The following DMD variants were observed in gnomAD, a reference collection of about 807,000 sequenced individuals.
The protein encoded by DMD is dystrophin, also known as mutant dystrophin.
In DMD, 63 loss-of-function variants were observed where a neutral mutation model predicts 330.1. That is an observed-to-expected ratio of 0.19 (90% CI 0.16 to 0.24). The LOEUF is 0.24. DMD is among the 10% of genes least tolerant of loss of function. The probability of loss-of-function intolerance (pLI) is 1.00; values close to 1 mark genes in which losing one functional copy is unlikely to be tolerated. For synonymous variants in DMD, 1,223 were observed against 959.8 expected (o/e 1.27, Z -5.07); for missense variants, 3,344 against 2,684.1 (o/e 1.25, Z -5.43).
chrX:32,553,920 C>T (rs886739401), intron 16 of DMD, among the ~76,000 whole-genome samples: 3 of 111,655 alleles, frequency 2.7e-5, no homozygotes, highest in African/African-American at 9.8e-5. Context: ...CGTGGCCAGT[C>T]TGCTTCTTTA....
At chrX:31,974,272 G>A (rs1378627600) in intron 44 of DMD, among the ~76,000 whole-genome samples, 1 of 110,624 alleles carries the variant, frequency 9.0e-6, no homozygotes, top group Non-Finnish European at 1.9e-5. Flanking sequence ...GATGTGGGAA[G>A]GAGGGAGGGT....
intron 44 of DMD, among the ~76,000 whole-genome samples, chrX:32,190,550 TTA>T (rs753482446): frequency 0.25 from 15,591 of 62,222 alleles, 1,775 homozygotes; most frequent in East Asian, 0.5. Context: ...ATTTAAAATT[TTA>T]TATATATATA....
At chrX:32,426,668 T>C (rs986326184) in intron 29 of DMD, among the ~76,000 whole-genome samples, 1 of 111,440 alleles carries the variant, frequency 9.0e-6, no homozygotes, top group Admixed American at 9.6e-5. Context: ...CATATGTTCA[T>C]TGCAACACTA....
At chrX:33,088,244 C>T (rs1243572599) in intron 1 of DMD, among the ~76,000 whole-genome samples, 4 of 110,745 alleles carry the variant, frequency 3.6e-5, no homozygotes, top group Non-Finnish European at 7.5e-5. Flanking sequence ...GGGGTCTCAC[C>T]ATGTTGATCA....
intron 7 of DMD, among the ~76,000 whole-genome samples, chrX:32,793,899 C>T (rs957721545): frequency 1.8e-5 from 2 of 111,232 alleles, no homozygotes; most frequent in African/African-American, 6.5e-5. Flanking sequence ...TTCTATGAAG[C>T]CAGCATTACC....
intron 54 of DMD, among the ~76,000 whole-genome samples, chrX:31,631,055 A>G (rs2079110124): frequency 9.0e-6 from 1 of 111,429 alleles, no homozygotes; most frequent in Non-Finnish European, 1.9e-5. Flanking sequence ...CTCATAGTCC[A>G]TGGACCAGCA....
chrX:31,967,300 GTGTGTGTGTGT>G (rs2095359321), intron 45 of DMD, among the ~76,000 whole-genome samples: 1 of 9,456 alleles, frequency 1.1e-4, no homozygotes, highest in Non-Finnish European at 1.7e-4. Context: ...GGCAAGGGGT[GTGTGTGTGTGT>G]GTGTGTGTGT....
rs767216828 is a variant in DMD at position 31,479,106 on chromosome X, G to A, written c.8548-3C>T. 4.1e-6 allele frequency: 5 copies of A among 1,210,693 alleles called. No homozygotes were observed. Among genetic ancestry groups the A allele is most frequent in the Non-Finnish European group, 5.6e-6 (5 of 894,704 alleles). On this transcript the variant is annotated splice_region_variant and splice_polypyrimidine_tract_variant and intron_variant, in intron 57 of 78. Transcript: ENST00000357033. ...GTTTTCAATTCCCTCTTGAAGGCCT[G>A]TGAAATGAGATGAAAAGAAGTGCTT...
At chrX:32,712,755 A>G (rs2065308881) in intron 7 of DMD, among the ~76,000 whole-genome samples, 1 of 111,140 alleles carries the variant, frequency 9.0e-6, no homozygotes. Context: ...CATAGGTTTT[A>G]TTACTGTTTA....
At chrX:31,761,329 C>T (rs2089572988) in intron 51 of DMD, among the ~76,000 whole-genome samples, 2 of 110,540 alleles carry the variant, frequency 1.8e-5, no homozygotes, top group Non-Finnish European at 3.8e-5. Flanking sequence ...GGTGGTGCTG[C>T]TATGAATAGA....
At chrX:32,264,440 C>A (rs1210913212) in intron 43 of DMD, among the ~76,000 whole-genome samples, 3 of 110,912 alleles carry the variant, frequency 2.7e-5, no homozygotes, top group Non-Finnish European at 5.7e-5. Context: ...ATAAAGAAAC[C>A]CAAAAATGTG....
intron 47 of DMD, among the ~76,000 whole-genome samples, chrX:31,900,966 GT>G (rs2094414071): frequency 9.0e-6 from 1 of 111,629 alleles, no homozygotes; most frequent in Non-Finnish European, 1.9e-5. Context: ...ATCAGTATTT[GT>G]TGTATGTGCA....
At chrX:31,490,889 G>A (rs1321412333) in intron 57 of DMD, among the ~76,000 whole-genome samples, 1 of 112,451 alleles carries the variant, frequency 8.9e-6, no homozygotes, top group Non-Finnish European at 1.9e-5. Context: ...CTCTCACTTT[G>A]TGGTGACTTC....
chrX:33,255,288 A>G (rs1174602945), intron 1 of DMD, among the ~76,000 whole-genome samples: 1 of 111,245 alleles, frequency 9.0e-6, no homozygotes, highest in Non-Finnish European at 1.9e-5. Context: ...ATAGAGAATT[A>G]TTATATCATT....
At chrX:32,984,122 A>G (rs2092782425) in intron 2 of DMD, among the ~76,000 whole-genome samples, 1 of 112,036 alleles carries the variant, frequency 8.9e-6, no homozygotes, top group Non-Finnish European at 1.9e-5. Context: ...CACATAGTTC[A>G]TAACACCCAT....
intron 47 of DMD, among the ~76,000 whole-genome samples, chrX:31,884,876 G>GT (rs2094128676): frequency 9.0e-6 from 1 of 111,196 alleles, no homozygotes; most frequent in African/African-American, 3.3e-5. Context: ...CTTGAAAGGA[G>GT]TATTATAAAT....
chrX:33,005,132 G>T (rs1006322756), intron 2 of DMD, among the ~76,000 whole-genome samples: 18 of 110,019 alleles, frequency 1.6e-4, no homozygotes, highest in African/African-American at 5.3e-4. Context: ...TTGTCTGGTT[G>T]CAATGGCTAA....
At chrX:33,212,582 TCAAA>T (rs2051959585), upstream of DMD, among the ~76,000 whole-genome samples, 1 of 112,014 alleles carries the variant, frequency 8.9e-6, no homozygotes, top group African/African-American at 3.2e-5. Context: ...TTTTTCTATG[TCAAA>T]CATTCAACTG....
chrX:31,160,133 A>G (rs922401195), intron 74 of DMD, among the ~76,000 whole-genome samples: 1 of 110,875 alleles, frequency 9.0e-6, no homozygotes, highest in Non-Finnish European at 1.9e-5. Flanking sequence ...AAGTTCAATC[A>G]TTTCACAAGA....
Sources: gnomAD v4.1 joint callset for allele counts (sites outside exome capture counted in the v4.1 genomes callset) on GRCh38, gnomAD v4.1.1 for gene constraint, MANE v1.5 for transcripts, NCBI Gene and HGNC (gene_info 2026-07-23, HGNC 2026-07-21) for gene names.